The following STK32B variants were observed in gnomAD, a reference collection of about 807,000 sequenced individuals.
STK32B encodes serine/threonine-protein kinase 32B.
In STK32B, 43 loss-of-function variants were observed where a neutral mutation model predicts 52.6. That is an observed-to-expected ratio of 0.82 (90% CI 0.64 to 1.05). STK32B has a LOEUF of 1.05. Ranked by LOEUF, STK32B falls within the 50% of genes least tolerant of loss-of-function variation. STK32B has a pLI of 0.00. For missense variants in STK32B, 621 were observed against 534.6 expected (o/e 1.16, Z -1.59); for synonymous variants, 238 against 204.3 (o/e 1.17, Z -1.41).
At chr4:5,175,847 A>G (rs1381471419) in intron 3 of STK32B, among the ~76,000 whole-genome samples, 2 of 152,192 alleles carry the variant, frequency 1.3e-5, no homozygotes, top group African/African-American at 4.8e-5. Context: ...AGGGACATTT[A>G]AGTCTGCAGA....
At chr4:5,356,403 C>T (rs77728637) in intron 4 of STK32B, among the ~76,000 whole-genome samples, 2,241 of 152,272 alleles carry the variant, frequency 0.015, 57 homozygotes, top group African/African-American at 0.049. Flanking sequence ...AATAAGGTCA[C>T]ATTCACAGAC....
At chr4:5,284,169 A>G (rs959672405) in intron 3 of STK32B, among the ~76,000 whole-genome samples, 1 of 152,198 alleles carries the variant, frequency 6.6e-6, no homozygotes, top group Non-Finnish European at 1.5e-5. Flanking sequence ...TTAGGTTGTT[A>G]TAAGAATAAA....
chr4:5,056,966 A>G (rs1742032512), intron 1 of STK32B, among the ~76,000 whole-genome samples: 1 of 152,236 alleles, frequency 6.6e-6, no homozygotes, highest in Non-Finnish European at 1.5e-5. Context: ...TGAAGCACAG[A>G]TTGGGACCCT....
chr4:5,384,021 G>C (rs1337842602), intron 4 of STK32B, among the ~76,000 whole-genome samples: 2 of 152,202 alleles, frequency 1.3e-5, no homozygotes, highest in Admixed American at 1.3e-4. Flanking sequence ...GAGAGAGGGA[G>C]GGGTCCTGTG....
At chr4:5,130,235 A>G (rs1715673946) in intron 1 of STK32B, among the ~76,000 whole-genome samples, 1 of 151,706 alleles carries the variant, frequency 6.6e-6, no homozygotes, top group Non-Finnish European at 1.5e-5. Context: ...CGTTCCAGGC[A>G]GAGGGACAGC....
chr4:5,162,079 G>A (rs1577124886), intron 2 of STK32B, among the ~76,000 whole-genome samples: 1 of 152,128 alleles, frequency 6.6e-6, no homozygotes, highest in East Asian at 1.9e-4. Flanking sequence ...GAAGAGGGCA[G>A]CCCAGGCTCA....
At position 5,085,847 on chromosome 4, in the gene STK32B, T is replaced by A. The variant is rs150929540; in HGVS notation, c.52+33932T>A. Among the ~76,000 whole-genome samples, 86 of 152,320 alleles carry A rather than the reference T, an allele frequency of 5.6e-4. No homozygotes were observed. The Middle Eastern group carries it at 0.017, about 30-fold the overall frequency. On this transcript the variant is annotated intron_variant, in intron 1 of 11. Transcript: ENST00000282908. ...ACTATCTCAGCGATAGCCTTGAAAA[T>A]AACAACCCATGTGCCTTGTACCAGA...
intron 1 of STK32B, among the ~76,000 whole-genome samples, chr4:5,072,070 C>T (rs551441630): frequency 1.8e-4 from 27 of 152,200 alleles, no homozygotes; most frequent in Admixed American, 7.2e-4. Context: ...AATGGGAATA[C>T]GGTGTTAGAT....
rs1334657637 is a variant in STK32B at position 5,398,255 on chromosome 4, T to C, written c.472+11T>C. 13 of 1,613,986 alleles carry C rather than the reference T, an allele frequency of 8.1e-6. No homozygotes were observed. Among genetic ancestry groups the C allele is most frequent in the Non-Finnish European group, 1.1e-5 (13 of 1,180,000 alleles). On this transcript the variant is annotated intron_variant, in intron 5 of 11. Coordinates refer to ENST00000282908, the MANE Select transcript of STK32B (RefSeq NM_018401.3). This position sits in a 1 kb window ranked among gnomAD's most constrained non-coding sequence, Gnocchi z 4.9. ...TGCTGGATGAACACGGTAAGCCTGC[T>C]ACTAATCCTTTACAGGGACTCTCAG...
the STK32B span, among the ~76,000 whole-genome samples, chr4:5,042,693 A>C: frequency 6.6e-6 from 1 of 152,198 alleles, no homozygotes; most frequent in African/African-American, 2.4e-5. Context: ...AGGCTTCCTG[A>C]TTGAAAATGA....
chr4:5,240,072 C>T (rs77565564), intron 3 of STK32B, among the ~76,000 whole-genome samples: 2 of 149,228 alleles, frequency 1.3e-5, no homozygotes, highest in Non-Finnish European at 1.5e-5. Context: ...CTCTCTCTCT[C>T]TGTCTCTCTC....
chr4:5,491,331 A>C (rs1161969535), intron 11 of STK32B, among the ~76,000 whole-genome samples: 1 of 152,174 alleles, frequency 6.6e-6, no homozygotes, highest in Admixed American at 6.5e-5. Context: ...ATGGCCAGTG[A>C]TGGTGAGCAT....
intron 4 of STK32B, among the ~76,000 whole-genome samples, chr4:5,377,762 CTT>C (rs1435642332): frequency 2.6e-5 from 4 of 152,144 alleles, no homozygotes; most frequent in Non-Finnish European, 5.9e-5. Context: ...CTCACTCTCT[CTT>C]GCCAGCCACC....
At chr4:5,347,870 C>T (rs865865042) in intron 4 of STK32B, among the ~76,000 whole-genome samples, 25 of 152,252 alleles carry the variant, frequency 1.6e-4, no homozygotes, top group Middle Eastern at 3.4e-3. Context: ...TTCCTAAGTC[C>T]TCCCCAGCCA....
rs1162611459 is a variant in STK32B, at chr4:5,460,369, A to G, written c.909+141A>G. 6 of 1,352,582 alleles carry G rather than the reference A, an allele frequency of 4.4e-6. No homozygotes were observed. The Admixed American group carries it at 9.7e-5, about 22-fold the overall frequency. 83.8% of individuals were successfully genotyped at this position (1,352,582 alleles called of 1,614,324 possible). Reference sequence around the variant, plus strand: ...CACCAAGGGCTTATGTCTTGCTGGAATTCAGGGTGAACTTGGGCCTGATTT... The same window carrying G: ...CACCAAGGGCTTATGTCTTGCTGGAGTTCAGGGTGAACTTGGGCCTGATTT... On this transcript the variant is annotated intron_variant, in intron 9 of 11. Coordinates refer to ENST00000282908, the MANE Select transcript of STK32B (RefSeq NM_018401.3). The surrounding 1 kb of genome is among the most constrained non-coding windows in gnomAD (Gnocchi z 4.8).
In STK32B at chr4:5,460,310, C is replaced by T; in HGVS notation, c.909+82C>T. On this transcript the variant is annotated intron_variant, in intron 9 of 11. Transcript: ENST00000282908. This position sits in a 1 kb window ranked among gnomAD's most constrained non-coding sequence, Gnocchi z 4.8. ...TGCAAAGCAAGACTTTGGCAGCTGGCTAGTGAGCCCTCTGCTGGCCACTTC... is the reference window on the plus strand; with the variant it reads ...TGCAAAGCAAGACTTTGGCAGCTGGTTAGTGAGCCCTCTGCTGGCCACTTC... The T allele has an allele frequency of 1.3e-6, 2 of 1,531,396 alleles. No homozygotes were observed. The highest frequency in any genetic ancestry group is 1.8e-6 in the Non-Finnish European group (2 of 1,139,926). The allele number at this position is 1,531,396 out of a possible 1,614,324, so 94.9% of individuals were successfully genotyped here. A position where few individuals can be genotyped will look rare whatever the true frequency, so the allele number is the denominator to read the frequency against.
intron 3 of STK32B, among the ~76,000 whole-genome samples, chr4:5,221,414 G>A (rs1723530756): frequency 6.6e-6 from 1 of 152,178 alleles, no homozygotes; most frequent in Admixed American, 6.5e-5. Flanking sequence ...TGGACTCCTA[G>A]ATAATACCTC....
At chr4:5,300,461 G>A (rs943869391) in intron 3 of STK32B, among the ~76,000 whole-genome samples, 2 of 152,054 alleles carry the variant, frequency 1.3e-5, no homozygotes, top group African/African-American at 4.8e-5. Flanking sequence ...GAAAGAAAAT[G>A]CATCCAAATA....
At chr4:5,330,674 T>C (rs1732177354) in intron 3 of STK32B, among the ~76,000 whole-genome samples, 1 of 152,190 alleles carries the variant, frequency 6.6e-6, no homozygotes, top group Admixed American at 6.5e-5. Flanking sequence ...GGCCTCTCCA[T>C]GTGGCTTGCA....
Sources: allele counts gnomAD v4.1 joint callset (sites outside exome capture counted in the v4.1 genomes callset), GRCh38; gene constraint gnomAD v4.1.1; non-coding constraint Gnocchi (gnomAD v3.1); transcripts MANE v1.5; gene names NCBI Gene and HGNC (gene_info 2026-07-23, HGNC 2026-07-21).